RFWD3: variants seen among roughly 807,000 people sequenced by gnomAD.
RFWD3 encodes the protein ring finger and WD repeat domain 3.
A neutral mutation model predicts 87.7 loss-of-function variants in RFWD3; 65 were observed. The ratio of observed to expected loss-of-function variants is 0.74; its 90% CI spans 0.61 to 0.91. The LOEUF is 0.91. RFWD3 is among the 40% of genes least tolerant of loss of function. The pLI, the probability that RFWD3 is intolerant of heterozygous loss-of-function variation, is 0.00. For missense variants in RFWD3, 1,078 were observed against 938.5 expected (o/e 1.15, Z -1.94); for synonymous variants, 433 against 352.8 (o/e 1.23, Z -2.55).
chr16:74,663,503 G>T (rs970780807), intron 1 of RFWD3, among the ~76,000 whole-genome samples: 2 of 152,018 alleles, frequency 1.3e-5, no homozygotes, highest in African/African-American at 4.8e-5. Context: ...GAAGTGGTGG[G>T]GTCAGAGGCC....
At chr16:74,625,540 C>T (rs867694129) in intron 12 of RFWD3, among the ~76,000 whole-genome samples, 2 of 151,000 alleles carry the variant, frequency 1.3e-5, no homozygotes, top group South Asian at 2.1e-4. Context: ...ACAGACCAGG[C>T]GCAATGGCTC....
chr16:74,636,411 G>C lies in RFWD3; in HGVS notation c.1361C>G (p.Ala454Gly), dbSNP rs1360507895. Residue 454 changes from alanine (A) to glycine (G), a missense_variant, in exon 8 of 13, where the codon GCA becomes GGA. Transcript: ENST00000361070. ...CAGGCAGCTCAGAGCATCACAGTAT[G>C]CCATGATCCGGCAGTTTCCTGCCTG... Reference protein sequence around the residue: ...VSQAGNCRIMAYCDALSCLVI... With the variant: ...VSQAGNCRIMGYCDALSCLVI... 6.2e-7 allele frequency: 1 copy of C among 1,614,226 alleles called. No individual in the cohort carries two copies. Among genetic ancestry groups the C allele is most frequent in the South Asian group, 1.1e-5 (1 of 91,088 alleles).
intron 12 of RFWD3, 75 bp from the exon 13 acceptor site, chr16:74,624,146 C>T: frequency 2.0e-6 from 3 of 1,520,670 alleles, no homozygotes; most frequent in Non-Finnish European, 2.7e-6. Context: ...CATCATCTAA[C>T]AAGTCTGAAA....
rs1958791474 is a variant in RFWD3, at chr16:74,622,191, C to G, written c.*1737G>C. The stretch of plus-strand genomic sequence containing the variant: ...GCAATCTGCTGAAGCCAGATGAGTT[C>G]TGCTTTTTAATTCCAATCCTATTCT... On this transcript the variant is annotated 3_prime_UTR_variant, in exon 13 of 13. Coordinates refer to ENST00000361070, the MANE Select transcript of RFWD3 (RefSeq NM_018124.4). 1 of 152,202 alleles carries G rather than the reference C, an allele frequency of 6.6e-6. No homozygotes were observed. Among genetic ancestry groups the G allele is most frequent in the South Asian group, 2.1e-4 (1 of 4,830 alleles). The allele number at this position is 152,202 out of a possible 1,614,324, so 9.4% of individuals were successfully genotyped here.
rs997942018 is a variant in RFWD3, at chr16:74,626,546, G to C, written c.1978C>G (p.His660Asp). The C allele has an allele frequency of 1.9e-6, 3 of 1,613,816 alleles. No individual in the cohort carries two copies. The highest frequency in any genetic ancestry group is 2.2e-5 in the East Asian group (1 of 44,870). The change falls in exon 12 of 13, where the codon CAC (histidine) becomes GAC (aspartate). Residue 660 changes from histidine (H) to aspartate (D), a missense_variant. His to Asp is a moderately conservative substitution (Grantham distance 81). Transcript: ENST00000361070. The stretch of plus-strand genomic sequence containing the variant: ...ATCAGCACACTTCGTATGGTGGTGT[G>C]ATTTTTATCTATGGGACAGAGAAAT... ...CLVTYRPDKN[H>D]TTIRSVLMEM... is the part of the protein sequence containing the mutation.
At chr16:74,651,035 G>A (rs989693334) in intron 3 of RFWD3, among the ~76,000 whole-genome samples, 2 of 152,064 alleles carry the variant, frequency 1.3e-5, no homozygotes, top group East Asian at 1.9e-4. Context: ...AACAACTTAC[G>A]ATAGTGATAA....
intron 2 of RFWD3, 152 bp downstream of exon 2, chr16:74,660,780 G>A (rs1194902684): frequency 3.9e-6 from 3 of 768,128 alleles, no homozygotes; most frequent in South Asian, 3.6e-5. Context: ...TGTGAAGTAA[G>A]GCAAGCACTT....
At chr16:74,628,374 G>T (rs1251396094) in intron 11 of RFWD3, 78 bp downstream of exon 11, 2 of 1,380,408 alleles carry the variant, frequency 1.4e-6, no homozygotes, top group African/African-American at 1.4e-5. Context: ...CCACCCAAAG[G>T]GTAGGATCAA....
Position 74,630,895 on chromosome 16 carries a change from C to T in RFWD3, c.1640G>A (p.Trp547Ter), listed in dbSNP as rs1314953937. The change falls in exon 10 of 13, where the codon TGG (tryptophan) becomes TAG (stop). Residue 547 changes from tryptophan (W) to a stop codon, truncating the protein, a stop_gained. Coordinates refer to ENST00000361070, the MANE Select transcript of RFWD3 (RefSeq NM_018124.4). LOFTEE classifies it high-confidence loss of function. ...GATGTAGTTAGCCTCATCAAGACAC[C>T]AGCAACAGCTCCAGACAGGACGTCC... is the stretch of plus-strand genomic sequence containing the variant. Reference protein sequence around the residue: ...NAGRPVWSCCWCLDEANYIYA... With the variant: ...NAGRPVWSCC 1 of 1,613,984 alleles carries T rather than the reference C, an allele frequency of 6.2e-7. No homozygotes were observed. Among genetic ancestry groups the T allele is most frequent in the East Asian group, 2.2e-5 (1 of 44,856 alleles).
At position 74,623,874 on chromosome 16, in the gene RFWD3, C is replaced by T. The variant is rs567630608; in HGVS notation, c.*54G>A. 1.0e-4 allele frequency: 163 copies of T among 1,575,476 alleles called. 1 individual carries two copies. The Admixed American group carries it at 2.4e-3, about 23-fold the overall frequency. On this transcript the variant is annotated 3_prime_UTR_variant, in exon 13 of 13. Coordinates refer to ENST00000361070, the MANE Select transcript of RFWD3 (RefSeq NM_018124.4). Reference sequence around the variant, plus strand: ...AGGGATCTTGCTTGGGGCTGCTAGGCGCTAGCAAACAACATCTAACCAGCA... The same window carrying T: ...AGGGATCTTGCTTGGGGCTGCTAGGTGCTAGCAAACAACATCTAACCAGCA...
Position 74,623,829 on chromosome 16 carries a change from C to G in RFWD3, c.*99G>C. On this transcript the variant is annotated 3_prime_UTR_variant, in exon 13 of 13. Coordinates refer to ENST00000361070, the MANE Select transcript of RFWD3 (RefSeq NM_018124.4). ...CAAACAAACCATGATTCCCAATGTT[C>G]TAGACTGCAGACAATAAACAGGGAT... 2 of 1,317,612 alleles carry G rather than the reference C, an allele frequency of 1.5e-6. No individual in the cohort carries two copies. The highest frequency in any genetic ancestry group is 1.1e-6 in the Non-Finnish European group (1 of 933,738). The allele number at this position is 1,317,612 out of a possible 1,614,324, so 81.6% of individuals were successfully genotyped here. A position where few individuals can be genotyped will look rare whatever the true frequency, so the allele number is the denominator to read the frequency against.
chr16:74,630,758 G>C, intron 10 of RFWD3, 23 bp downstream of exon 10: 1 of 1,565,418 alleles, frequency 6.4e-7, no homozygotes, highest in Non-Finnish European at 8.6e-7. Flanking sequence ...CTACCACCAG[G>C]AAAAGAGTGA....
intron 3 of RFWD3, among the ~76,000 whole-genome samples, chr16:74,651,293 G>A (rs2144263374): frequency 6.6e-6 from 1 of 152,282 alleles, no homozygotes; most frequent in Middle Eastern, 3.4e-3. Flanking sequence ...AGCCTAGACA[G>A]GGTGCTGAAT....
chr16:74,661,678 C>G (rs375575511), intron 1 of RFWD3, among the ~76,000 whole-genome samples: 3 of 152,244 alleles, frequency 2.0e-5, no homozygotes, highest in African/African-American at 7.2e-5. Context: ...CCTTAGAAAA[C>G]ATGAAGTCCT....
intron 11 of RFWD3, 82 bp downstream of exon 11, chr16:74,628,370 A>AC (rs746436198): frequency 7.4e-6 from 10 of 1,352,478 alleles, no homozygotes; most frequent in Non-Finnish European, 1.0e-5. Flanking sequence ...ACAGCCACCC[A>AC]AAGGGTAGGA....
intron 12 of RFWD3, among the ~76,000 whole-genome samples, chr16:74,625,595 G>A (rs1958910567): frequency 6.6e-6 from 1 of 151,406 alleles, no homozygotes; most frequent in African/African-American, 2.4e-5. Flanking sequence ...GACTTGTTGT[G>A]GAAGCCAGAT....
intron 1 of RFWD3, chr16:74,664,404 C>A (rs1228061075): frequency 6.6e-6 from 1 of 152,214 alleles, no homozygotes. Flanking sequence ...CTAAAAAGAG[C>A]AGAATCTAGG....
At chr16:74,633,459 T>C (rs148374451) in intron 8 of RFWD3, among the ~76,000 whole-genome samples, 1,526 of 152,016 alleles carry the variant, frequency 0.01, 22 homozygotes, top group Non-Finnish European at 0.016. Flanking sequence ...AATTAACTAC[T>C]AATATATACA....
At chr16:74,630,072 C>T (rs1412001494) in intron 10 of RFWD3, among the ~76,000 whole-genome samples, 1 of 152,100 alleles carries the variant, frequency 6.6e-6, no homozygotes, top group Non-Finnish European at 1.5e-5. Context: ...CTTAACTGAT[C>T]TCTTCCTATG....
Sources: allele counts gnomAD v4.1 joint callset (sites outside exome capture counted in the v4.1 genomes callset), GRCh38; gene constraint gnomAD v4.1.1; transcripts MANE v1.5; gene names NCBI Gene and HGNC (gene_info 2026-07-23, HGNC 2026-07-21).